Variants in PTPN4 observed in about 807,000 individuals in gnomAD.
PTPN4 encodes the protein protein tyrosine phosphatase non-receptor type 4.
Under a neutral mutation model 135.5 loss-of-function variants are expected in PTPN4, and 49 were observed. The ratio of observed to expected loss-of-function variants is 0.36; its 90% confidence interval spans 0.29 to 0.46. The LOEUF is 0.46. Among genes scored for constraint, PTPN4 ranks in the 20% least tolerant of loss-of-function variants. The probability of loss-of-function intolerance (pLI) is 1.00; values close to 1 mark genes in which losing one functional copy is unlikely to be tolerated. For missense variants in PTPN4, 860 were observed against 1,101.0 expected, an observed-to-expected ratio of 0.78 and a Z score of 3.10; for synonymous variants, 333 against 369.9, an observed-to-expected ratio of 0.90 and a Z score of 1.14.
At chr2:119,936,911 C>T in intron 15 of PTPN4, among the ~76,000 whole-genome samples, 1 of 152,172 alleles carries the variant, frequency 6.6e-6, no homozygotes, top group Non-Finnish European at 1.5e-5. Flanking sequence ...GACATTCAAC[C>T]AGTTTTTAAC....
intron 2 of PTPN4, among the ~76,000 whole-genome samples, chr2:119,836,837 G>T (rs931124181): frequency 1.3e-4 from 20 of 152,242 alleles, no homozygotes; most frequent in African/African-American, 4.8e-4. Context: ...TAACACACCA[G>T]CCTCCTTCTG....
chr2:119,892,032 C>T (rs1043104864), intron 9 of PTPN4, among the ~76,000 whole-genome samples: 16 of 152,122 alleles, frequency 1.1e-4, no homozygotes, highest in African/African-American at 3.1e-4. Flanking sequence ...TTATAGATAT[C>T]GTAGACATAG....
At chr2:119,921,194 C>A (rs537913025) in intron 12 of PTPN4, among the ~76,000 whole-genome samples, 2 of 151,784 alleles carry the variant, frequency 1.3e-5, no homozygotes, top group African/African-American at 4.8e-5. Flanking sequence ...GGCTGAGGCA[C>A]GAGAATTGCT....
chr2:119,779,900 A>T, intron 1 of PTPN4, among the ~76,000 whole-genome samples: 1 of 151,628 alleles, frequency 6.6e-6, no homozygotes, highest in East Asian at 1.9e-4. Context: ...ACTCACCACC[A>T]CTCCTAGCTA....
chr2:119,941,187 T>C (rs1158681825), intron 15 of PTPN4, among the ~76,000 whole-genome samples: 2 of 152,216 alleles, frequency 1.3e-5, no homozygotes, highest in Admixed American at 1.3e-4. Flanking sequence ...TTTCTAATTA[T>C]AATGCAAGGT....
chr2:119,770,941 G>T (rs6711896), intron 1 of PTPN4, among the ~76,000 whole-genome samples: 3,504 of 150,578 alleles, frequency 0.023, 130 homozygotes, highest in African/African-American at 0.078. Context: ...GTGCAGTGGC[G>T]CAGTCTCTGC....
intron 9 of PTPN4, among the ~76,000 whole-genome samples, chr2:119,894,267 C>G (rs541762673): frequency 6.6e-6 from 1 of 152,194 alleles, no homozygotes; most frequent in African/African-American, 2.4e-5. Context: ...CAAATGTAAT[C>G]TCTTGGAACA....
chr2:119,944,117 A>G (rs1679100950), intron 15 of PTPN4, among the ~76,000 whole-genome samples: 1 of 152,164 alleles, frequency 6.6e-6, no homozygotes, highest in African/African-American at 2.4e-5. Context: ...TAGGTATAAA[A>G]TGTGTGCTTC....
At chr2:119,765,430 A>C (rs1308976058) in intron 1 of PTPN4, among the ~76,000 whole-genome samples, 2 of 152,228 alleles carry the variant, frequency 1.3e-5, no homozygotes, top group Non-Finnish European at 2.9e-5. Context: ...TTTCTGTGCC[A>C]GATCTCTCTC....
intron 2 of PTPN4, among the ~76,000 whole-genome samples, chr2:119,826,489 C>G (rs1677147151): frequency 6.6e-6 from 1 of 152,216 alleles, no homozygotes. Context: ...AACCCAATCT[C>G]CAAGGGACAT....
intron 15 of PTPN4, among the ~76,000 whole-genome samples, chr2:119,940,541 A>C (rs758303588): frequency 6.6e-6 from 1 of 152,098 alleles, no homozygotes; most frequent in Non-Finnish European, 1.5e-5. Flanking sequence ...CCACAGCCTC[A>C]AACTACTGTT....
intron 10 of PTPN4, among the ~76,000 whole-genome samples, chr2:119,905,045 A>AC (rs1384908065): frequency 7.6e-6 from 1 of 131,900 alleles, no homozygotes; most frequent in Non-Finnish European, 1.7e-5. Context: ...CAAAAAAAAA[A>AC]AAAACAAATA....
chr2:119,766,482 GTC>G (rs35850364), intron 1 of PTPN4, among the ~76,000 whole-genome samples: 5,545 of 117,810 alleles, frequency 0.047, 126 homozygotes, highest in African/African-American at 0.058. Flanking sequence ...GTGTGTGTGT[GTC>G]TGTGTGTGTG....
chr2:119,958,328 T>TAAAAAAAA (rs35243850), intron 22 of PTPN4, among the ~76,000 whole-genome samples: 2 of 134,818 alleles, frequency 1.5e-5, no homozygotes, highest in Non-Finnish European at 3.2e-5. Context: ...AAGACCCGTC[T>TAAAAAAAA]AAAAAAAAAA....
chr2:119,868,686 C>T (rs1677867153), intron 3 of PTPN4, among the ~76,000 whole-genome samples: 1 of 152,230 alleles, frequency 6.6e-6, no homozygotes, highest in Admixed American at 6.5e-5. Context: ...TAAGGACATG[C>T]TCCTGCTGCA....
At chr2:119,873,306 G>A (rs958000429) in intron 3 of PTPN4, among the ~76,000 whole-genome samples, 2 of 152,050 alleles carry the variant, frequency 1.3e-5, no homozygotes, top group East Asian at 1.9e-4. Flanking sequence ...GAAAATGGTC[G>A]AAAGAGTTTT....
chr2:119,960,248 A>G (rs1456828253), intron 22 of PTPN4, among the ~76,000 whole-genome samples: 4 of 152,192 alleles, frequency 2.6e-5, no homozygotes, highest in Non-Finnish European at 2.9e-5. Context: ...ATGTAGTAGG[A>G]TAATGACTGA....
chr2:119,803,642 TG>T (rs1370385615), intron 1 of PTPN4, among the ~76,000 whole-genome samples: 32 of 152,358 alleles, frequency 2.1e-4, no homozygotes, highest in African/African-American at 7.7e-4. Flanking sequence ...CTGTTGTCTT[TG>T]CTAGAGTGTT....
chr2:119,923,106 A>G (rs914571457), intron 12 of PTPN4, among the ~76,000 whole-genome samples: 2 of 152,174 alleles, frequency 1.3e-5, no homozygotes, highest in Admixed American at 6.5e-5. Flanking sequence ...TAGGCCAGGC[A>G]TGGGGGCCTG....
Sources: allele counts gnomAD v4.1 joint callset (sites outside exome capture counted in the v4.1 genomes callset), GRCh38; gene constraint gnomAD v4.1.1; transcripts MANE v1.5; gene names NCBI Gene and HGNC (gene_info 2026-07-23, HGNC 2026-07-21).